The following PYROXD1 variants were observed in gnomAD, a reference collection of about 807,000 sequenced individuals.
PYROXD1 encodes the protein pyridine nucleotide-disulphide oxidoreductase domain 1, also known as tRNA ligase complex-associated NAD(P)H dehydrogenase PYROXD1.
Under a neutral mutation model 62.0 loss-of-function variants are expected in PYROXD1, and 42 were observed. That is an observed-to-expected ratio of 0.68 (90% CI 0.53 to 0.88). The LOEUF (loss-of-function observed/expected upper bound fraction) is 0.88. Among genes scored for constraint, PYROXD1 ranks in the 40% least tolerant of loss-of-function variants. The pLI is 0.00. For missense variants in PYROXD1, 493 were observed against 604.8 expected, an observed-to-expected ratio of 0.82 and a Z score of 1.94; for synonymous variants, 170 against 206.4, an observed-to-expected ratio of 0.82 and a Z score of 1.51.
At chr12:21,462,939 A>G in intron 10 of PYROXD1, 77 bp downstream of exon 10, 1 of 1,460,028 alleles carries the variant, frequency 6.8e-7, no homozygotes, top group Non-Finnish European at 9.1e-7. Flanking sequence ...CAACAAATCC[A>G]ACTTCTGGTT....
intron 8 of PYROXD1, among the ~76,000 whole-genome samples, chr12:21,461,615 C>T (rs1942699282): frequency 6.6e-6 from 1 of 152,010 alleles, no homozygotes; most frequent in African/African-American, 2.4e-5. Context: ...TTGAATTTTT[C>T]CATAGGAAAG....
In PYROXD1 at chr12:21,468,954, C is replaced by G. The variant is rs1041774584; in HGVS notation, c.*200C>G. 6 of 505,680 alleles carry G rather than the reference C, an allele frequency of 1.2e-5. No homozygotes were observed. Among genetic ancestry groups the G allele is most frequent in the African/African-American group, 1.2e-4 (6 of 51,302 alleles). The allele number at this position is 505,680 out of a possible 1,614,324, so 31.3% of individuals were successfully genotyped here. On this transcript the variant is annotated 3_prime_UTR_variant, in exon 12 of 12. Transcript: ENST00000240651. ...AAGTTTATTTATAGATATATCTTTC[C>G]AATACAACACTGACCGCTTAGATAA...
intron 5 of PYROXD1, among the ~76,000 whole-genome samples, chr12:21,454,264 T>G (rs1267646038): frequency 6.6e-6 from 1 of 152,056 alleles, no homozygotes; most frequent in Non-Finnish European, 1.5e-5. Context: ...ATACCTTAAC[T>G]TTTTACAGTA....
chr12:21,457,697 G>A (rs1454693931), intron 7 of PYROXD1, among the ~76,000 whole-genome samples: 2 of 147,244 alleles, frequency 1.4e-5, no homozygotes, highest in African/African-American at 2.5e-5. Context: ...AGAGCAAGAG[G>A]AAGAGAGAGA....
chr12:21,462,529 G>A (rs1311159719), intron 9 of PYROXD1, among the ~76,000 whole-genome samples: 1 of 151,720 alleles, frequency 6.6e-6, no homozygotes, highest in Non-Finnish European at 1.5e-5. Flanking sequence ...TACTTTTCAT[G>A]TTGAAATTCT....
chr12:21,437,744 G>A lies in PYROXD1; in HGVS notation c.14G>A (p.Arg5His), dbSNP rs1424162116. 4 of 1,612,406 alleles carry A rather than the reference G, an allele frequency of 2.5e-6. No homozygotes were observed. The highest frequency in any genetic ancestry group is 1.7e-5 in the Admixed American group (1 of 59,856). Reference protein sequence around the residue: MEAARPPPTAGKFVV... With the variant: MEAAHPPPTAGKFVV... ...GAGTCCGGCAGCATGGAGGCAGCGC[G>A]CCCTCCCCCGACGGCAGGGAAGTTC... The change falls in exon 1 of 12, where the codon CGC becomes CAC. Residue 5 changes from arginine (R) to histidine (H), a missense_variant. Physicochemically the swap from Arg to His is conservative, Grantham distance 29. Transcript: ENST00000240651.
intron 8 of PYROXD1, 22 bp from the exon 9 acceptor site, chr12:21,461,986 T>C: frequency 6.7e-7 from 1 of 1,499,806 alleles, no homozygotes; most frequent in Admixed American, 1.7e-5. Flanking sequence ...AAGTCTGTTT[T>C]TTTGGTTTTT....
rs1156587641 is a variant in PYROXD1, at chr12:21,462,078, A to C, written c.951A>C (p.Thr317=). 2 of 1,613,020 alleles carry C rather than the reference A, an allele frequency of 1.2e-6. No homozygotes were observed. The highest frequency in any genetic ancestry group is 1.7e-6 in the Non-Finnish European group (2 of 1,179,432). Residue 317 remains threonine (T), a synonymous_variant, in exon 9 of 12, where the codon ACA becomes ACC. Coordinates refer to ENST00000240651, the MANE Select transcript of PYROXD1 (RefSeq NM_024854.5). Reference sequence around the variant, plus strand: ...GCTGCGATTTCATTGTCAGTGCTACAGGAGTTACACCAAATGTAGAACCTT... The same window carrying C: ...GCTGCGATTTCATTGTCAGTGCTACCGGAGTTACACCAAATGTAGAACCTT... ...IYGCDFIVSA[T]GVTPNVEPFL...
At chr12:21,460,427 TTATTTA>T (rs1370627038) in intron 7 of PYROXD1, among the ~76,000 whole-genome samples, 1 of 58,456 alleles carries the variant, frequency 1.7e-5, no homozygotes, top group Non-Finnish European at 4.0e-5. Flanking sequence ...TTTATTTTAT[TTATTTA>T]TTTTTTTTGA....
At chr12:21,444,363 A>G (rs1032412083) in intron 2 of PYROXD1, among the ~76,000 whole-genome samples, 3 of 152,230 alleles carry the variant, frequency 2.0e-5, no homozygotes, top group Non-Finnish European at 2.9e-5. Context: ...AAGGAGATTA[A>G]AAGTATAGAA....
At chr12:21,449,514 A>C in intron 3 of PYROXD1, 49 bp from the exon 4 acceptor site, 1 of 1,559,792 alleles carries the variant, frequency 6.4e-7, no homozygotes, top group Non-Finnish European at 8.7e-7. Context: ...AGTTGTATCC[A>C]TGTTGATTAT....
At chr12:21,451,922 G>C (rs953367395) in intron 4 of PYROXD1, among the ~76,000 whole-genome samples, 159 bp from the exon 5 acceptor site, 55 of 152,142 alleles carry the variant, frequency 3.6e-4, no homozygotes, top group African/African-American at 1.3e-3. Flanking sequence ...TATATTAATT[G>C]AGAGGATGTA....
Position 21,467,565 on chromosome 12 carries a change from A to G in PYROXD1, c.1201A>G (p.Met401Val), listed in dbSNP as rs773849638. ...AGCGAGTTCAGGAGACTCTATTGAC[A>G]TGGATTTCAGCTTTGAACTGTTTGC... ...AAASSGDSID[M>V]DFSFELFAHV... The change falls in exon 11 of 12, where the codon ATG (methionine) becomes GTG (valine). Residue 401 changes from methionine (M) to valine (V), a missense_variant. By Grantham distance (21) the Met-to-Val change is conservative (BLOSUM62 1). Transcript: ENST00000240651. The G allele has an allele frequency of 2.5e-6, 4 of 1,612,590 alleles. No homozygotes were observed. The highest frequency in any genetic ancestry group is 1.1e-5 in the South Asian group (1 of 90,926).
chr12:21,462,984 A>AGG, intron 10 of PYROXD1, 122 bp downstream of exon 10: 2 of 694,542 alleles, frequency 2.9e-6, no homozygotes, highest in Non-Finnish European at 4.1e-6. Context: ...AAGCTAGCAC[A>AGG]GTTGTTATAT....
Position 21,437,821 on chromosome 12 carries a change from C to A in PYROXD1, c.84+7C>A, listed in dbSNP as rs755369834. ...CGTCACTTGTGCGGAGCAGGTAGGG[C>A]GGTGCTCAGGCGGTTCCGCCTCTTT... On this transcript the variant is annotated splice_region_variant and intron_variant, in intron 1 of 11. Coordinates refer to ENST00000240651, the MANE Select transcript of PYROXD1 (RefSeq NM_024854.5). 3.7e-6 allele frequency: 6 copies of A among 1,610,566 alleles called. 1 individual carries two copies. In the South Asian group the frequency reaches 4.4e-5, roughly 12 times the overall value.
intron 2 of PYROXD1, among the ~76,000 whole-genome samples, chr12:21,441,678 T>C (rs1200632518): frequency 6.6e-6 from 1 of 152,276 alleles, no homozygotes; most frequent in Non-Finnish European, 1.5e-5. Flanking sequence ...GTTTTTCTGA[T>C]TTAATTGAAT....
chr12:21,466,147 C>A (rs571843241), intron 10 of PYROXD1, among the ~76,000 whole-genome samples: 115 of 143,068 alleles, frequency 8.0e-4, no homozygotes, highest in African/African-American at 3.0e-3. Flanking sequence ...CTTGGCGATG[C>A]GGGCTCTTTT....
intron 2 of PYROXD1, among the ~76,000 whole-genome samples, chr12:21,443,664 A>G (rs997018529): frequency 1.1e-4 from 16 of 152,150 alleles, no homozygotes; most frequent in African/African-American, 3.9e-4. Context: ...ATGTCGAAAA[A>G]CGTACATTCT....
At chr12:21,460,988 G>T (rs192784901) in intron 7 of PYROXD1, 37 bp from the exon 8 acceptor site, 35 of 1,293,286 alleles carry the variant, frequency 2.7e-5, no homozygotes, top group Non-Finnish European at 3.6e-5. Flanking sequence ...TATTCTTTCT[G>T]TAAGTATTAT....
Sources: gnomAD v4.1 joint callset for allele counts (sites outside exome capture counted in the v4.1 genomes callset) on GRCh38, gnomAD v4.1.1 for gene constraint, MANE v1.5 for transcripts, NCBI Gene and HGNC (gene_info 2026-07-23, HGNC 2026-07-21) for gene names.